Variants in KDM4C observed in about 807,000 individuals in gnomAD.
The protein encoded by KDM4C is lysine demethylase 4C, also known as lysine-specific demethylase 4C.
KDM4C carries 81 observed loss-of-function variants against 129.3 expected under a neutral mutation model. That is an observed-to-expected ratio of 0.63 (90% CI 0.52 to 0.75). The LOEUF is 0.75. KDM4C is among the 30% of genes least tolerant of loss of function. The pLI, the probability that KDM4C is intolerant of heterozygous loss-of-function variation, is 0.00. For synonymous variants in KDM4C, 573 were observed against 456.1 expected (o/e 1.26, Z -3.26); for missense variants, 1,457 against 1,304.0 (o/e 1.12, Z -1.81).
chr9:6,992,474 G>C (rs1818932455), intron 12 of KDM4C, among the ~76,000 whole-genome samples: 1 of 152,096 alleles, frequency 6.6e-6, no homozygotes, highest in South Asian at 2.1e-4. Context: ...GTGACCTCTG[G>C]GGATTTTTCA....
intron 2 of KDM4C, among the ~76,000 whole-genome samples, chr9:6,795,718 C>T (rs1368125066): frequency 6.6e-6 from 1 of 151,190 alleles, no homozygotes; most frequent in East Asian, 1.9e-4. Flanking sequence ...GTCACCCAAG[C>T]TGGAGTGCAG....
chr9:6,811,221 T>G (rs551889363), intron 3 of KDM4C, among the ~76,000 whole-genome samples: 1 of 152,248 alleles, frequency 6.6e-6, no homozygotes, highest in African/African-American at 2.4e-5. Flanking sequence ...TGGCGTGATC[T>G]CGGCTCACTG....
At chr9:6,803,191 G>T (rs996105681) in intron 2 of KDM4C, among the ~76,000 whole-genome samples, 3 of 152,096 alleles carry the variant, frequency 2.0e-5, no homozygotes, top group Non-Finnish European at 4.4e-5. Context: ...AGGTCATTTG[G>T]TGTTTGCTTT....
intron 8 of KDM4C, among the ~76,000 whole-genome samples, chr9:6,938,726 C>G (rs1323919834): frequency 1.3e-5 from 2 of 152,042 alleles, no homozygotes; most frequent in African/African-American, 4.8e-5. Flanking sequence ...TGTGTAACTT[C>G]AAATGGTTTT....
intron 2 of KDM4C, among the ~76,000 whole-genome samples, chr9:6,798,256 C>T (rs1306093699): frequency 2.1e-5 from 3 of 142,066 alleles, no homozygotes; most frequent in East Asian, 2.0e-4. Context: ...TTCTTTCTTT[C>T]TTTTTTTTTT....
intron 5 of KDM4C, among the ~76,000 whole-genome samples, chr9:6,858,599 C>T (rs1290392452): frequency 2.6e-5 from 4 of 152,078 alleles, no homozygotes; most frequent in Non-Finnish European, 5.9e-5. Flanking sequence ...CATAGCAAAA[C>T]CCTCTGTCTA....
At chr9:7,108,859 A>G (rs1838001427) in intron 18 of KDM4C, among the ~76,000 whole-genome samples, 2 of 152,236 alleles carry the variant, frequency 1.3e-5, no homozygotes, top group Admixed American at 6.5e-5. Flanking sequence ...TGTATTGTAT[A>G]GCATATTATT....
chr9:7,131,606 C>T (rs912082523), intron 19 of KDM4C, among the ~76,000 whole-genome samples: 2 of 152,142 alleles, frequency 1.3e-5, no homozygotes, highest in African/African-American at 2.4e-5. Flanking sequence ...GCATGAGCCA[C>T]GGTGCCCAGC....
At chr9:6,743,146 G>A (rs1817756947) in intron 1 of KDM4C, among the ~76,000 whole-genome samples, 1 of 152,092 alleles carries the variant, frequency 6.6e-6, no homozygotes, top group Non-Finnish European at 1.5e-5. Flanking sequence ...AAATAATAAG[G>A]GATGAAACAG....
At chr9:7,151,431 C>A (rs551965584) in intron 19 of KDM4C, among the ~76,000 whole-genome samples, 1 of 152,202 alleles carries the variant, frequency 6.6e-6, no homozygotes, top group East Asian at 1.9e-4. Flanking sequence ...CTGGCTCACA[C>A]CTGTAATCCC....
intron 19 of KDM4C, among the ~76,000 whole-genome samples, chr9:7,146,225 T>A (rs182038730): frequency 9.8e-5 from 15 of 152,328 alleles, no homozygotes; most frequent in Admixed American, 8.5e-4. Flanking sequence ...AGGAAATACA[T>A]CAAAATGTTA....
At chr9:7,019,700 TATTTTTATATATAAAAATATA>T (rs1563992697) in intron 15 of KDM4C, among the ~76,000 whole-genome samples, 1,740 of 129,898 alleles carry the variant, frequency 0.013, 88 homozygotes, top group African/African-American at 0.044. Flanking sequence ...AAAAATATAA[TATTTTTATATATAAAAATATA>T]ATATTTTTAT....
In KDM4C at chr9:7,077,163, G is replaced by A. The variant is rs539928720; in HGVS notation, c.2425-26522G>A. The A allele has an allele frequency of 7.9e-5, 78 of 985,386 alleles. No individual in the cohort carries two copies. The African/African-American group carries it at 1.2e-3, about 15-fold the overall frequency. 61.0% of individuals were successfully genotyped at this position (985,386 alleles called of 1,614,324 possible). ...GACAGATGTTGAGAACGGACCTGTT[G>A]CTGAAGCTCATGTTATCACACATGC... On this transcript the variant is annotated intron_variant, in intron 17 of 21. Transcript: ENST00000381309.
intron 8 of KDM4C, among the ~76,000 whole-genome samples, chr9:6,970,004 C>T (rs1831680111): frequency 6.6e-6 from 1 of 152,188 alleles, no homozygotes; most frequent in Non-Finnish European, 1.5e-5. Context: ...GTTGCTTGGG[C>T]CATGTGCCCA....
intron 4 of KDM4C, among the ~76,000 whole-genome samples, chr9:6,836,269 C>A (rs906703208): frequency 6.6e-6 from 1 of 152,070 alleles, no homozygotes; most frequent in African/African-American, 2.4e-5. Flanking sequence ...CTGGCCAACA[C>A]GGTGAAAGCT....
intron 17 of KDM4C, among the ~76,000 whole-genome samples, chr9:7,093,699 T>A (rs1220627396): frequency 6.6e-6 from 1 of 152,228 alleles, no homozygotes; most frequent in Non-Finnish European, 1.5e-5. Flanking sequence ...GACAATTTTG[T>A]TAAAGTACAG....
At chr9:7,136,933 G>A (rs969323156) in intron 19 of KDM4C, among the ~76,000 whole-genome samples, 1 of 152,210 alleles carries the variant, frequency 6.6e-6, no homozygotes, top group African/African-American at 2.4e-5. Flanking sequence ...CAGAGCTCTA[G>A]CAAGCAGCTC....
intron 17 of KDM4C, among the ~76,000 whole-genome samples, chr9:7,078,939 A>C (rs188591898): frequency 3.3e-5 from 5 of 152,192 alleles, no homozygotes; most frequent in South Asian, 2.1e-4. Flanking sequence ...GTTTGCTTAT[A>C]CATCAGTGCC....
intron 19 of KDM4C, among the ~76,000 whole-genome samples, chr9:7,160,815 CTTCCTCAGAGA>C (rs1336761500): frequency 1.3e-5 from 2 of 152,204 alleles, no homozygotes; most frequent in African/African-American, 4.8e-5. Context: ...GCAGTGTGCC[CTTCCTCAGAGA>C]TTAAATGCCT....
Sources: gnomAD v4.1 joint callset for allele counts (sites outside exome capture counted in the v4.1 genomes callset) on GRCh38, gnomAD v4.1.1 for gene constraint, MANE v1.5 for transcripts, NCBI Gene and HGNC (gene_info 2026-07-23, HGNC 2026-07-21) for gene names.